The following PCDHGB3 variants were observed in gnomAD, a reference collection of about 807,000 sequenced individuals.
PCDHGB3 encodes protocadherin gamma-B3.
A neutral mutation model predicts 59.2 loss-of-function variants in PCDHGB3; 40 were observed. The ratio of observed to expected loss-of-function variants is 0.68; its 90% CI spans 0.52 to 0.88. The LOEUF (loss-of-function observed/expected upper bound fraction) is 0.88, where lower values mean the gene tolerates loss of function less well. Among genes scored for constraint, PCDHGB3 ranks in the 40% least tolerant of loss-of-function variants. The pLI, the probability that PCDHGB3 is intolerant of heterozygous loss-of-function variation, is 0.00. For synonymous variants in PCDHGB3, 581 were observed against 503.6 expected, an observed-to-expected ratio of 1.15 and a Z score of -2.06; for missense variants, 1,309 against 1,187.9, an observed-to-expected ratio of 1.10 and a Z score of -1.50.
intron 1 of PCDHGB3, chr5:141,422,076 G>C (rs2096622180): frequency 1.2e-6 from 2 of 1,612,270 alleles, no homozygotes; most frequent in South Asian, 1.1e-5. Flanking sequence ...ATTCATTTCG[G>C]AACATGGAAA....
Position 141,489,900 on chromosome 5 carries a change from A to T in PCDHGB3, c.2416-4907A>T. ...TTACTGCTGTGGATGGGGGGACCCC[A>T]GCCCGCTCAGGGACCACCCTTATCT... On this transcript the variant is annotated intron_variant, in intron 1 of 3. Coordinates refer to ENST00000576222, the MANE Select transcript of PCDHGB3 (RefSeq NM_018924.5). This position sits in a 1 kb window ranked among gnomAD's most constrained non-coding sequence, Gnocchi z 4.5. The T allele has an allele frequency of 6.2e-7, 1 of 1,614,254 alleles. No homozygotes were observed. The highest frequency in any genetic ancestry group is 8.5e-7 in the Non-Finnish European group (1 of 1,180,044).
At chr5:141,380,894 AT>A (rs1776829006) in intron 1 of PCDHGB3, among the ~76,000 whole-genome samples, 1 of 152,262 alleles carries the variant, frequency 6.6e-6, no homozygotes, top group Admixed American at 6.5e-5. Context: ...TTGTTTGAAA[AT>A]ATCTACAAGT....
Position 141,430,614 on chromosome 5 carries a change from T to C in PCDHGB3, c.2415+57805T>C, listed in dbSNP as rs1030314096. 7.3e-6 allele frequency: 5 copies of C among 680,636 alleles called. No individual in the cohort carries two copies. In the African/African-American group the frequency reaches 7.4e-5, roughly 10 times the overall value. 42.2% of individuals were successfully genotyped at this position (680,636 alleles called of 1,614,324 possible). ...GCACGCGCCTGAAGCACAAAGCAGA[T>C]AGCTAGGAATGAACCATCCCTGGGA... On this transcript the variant is annotated intron_variant, in intron 1 of 3. Transcript: ENST00000576222.
chr5:141,400,650 C>T, intron 1 of PCDHGB3: 13 of 1,174,166 alleles, frequency 1.1e-5, no homozygotes, highest in Non-Finnish European at 1.6e-5. Context: ...AGAAAGCTGT[C>T]CTACCATTCT....
chr5:141,490,151 T>C lies in PCDHGB3; in HGVS notation c.2416-4656T>C, dbSNP rs1449636059. The stretch of plus-strand genomic sequence containing the variant: ...GACCCTAGCAGTGGGGCAATCCATG[T>C]GTTGGGTCCCATAGACTTTGAGGAG... On this transcript the variant is annotated intron_variant, in intron 1 of 3. Transcript: ENST00000576222. The surrounding 1 kb of genome is among the most constrained non-coding windows in gnomAD (Gnocchi z 5.4). 4 of 1,614,210 alleles carry C rather than the reference T, an allele frequency of 2.5e-6. No homozygotes were observed. The highest frequency in any genetic ancestry group is 3.4e-6 in the Non-Finnish European group (4 of 1,180,018).
In PCDHGB3 at chr5:141,431,892, A is replaced by G. The variant is rs1456048000; in HGVS notation, c.2415+59083A>G. The G allele has an allele frequency of 2.1e-5, 34 of 1,614,054 alleles. No homozygotes were observed. Among genetic ancestry groups the G allele is most frequent in the Non-Finnish European group, 2.7e-5 (32 of 1,179,972 alleles). ...AATGTAAATGACCAAGATTCTGAGG[A>G]AAACGGACAGGTGATCTGTTTCATC... is the stretch of plus-strand genomic sequence containing the variant. On this transcript the variant is annotated intron_variant, in intron 1 of 3. Transcript: ENST00000576222. The surrounding 1 kb of genome is among the most constrained non-coding windows in gnomAD (Gnocchi z 4.8).
chr5:141,492,461 G>T (rs1218833302), intron 1 of PCDHGB3, among the ~76,000 whole-genome samples: 1 of 152,212 alleles, frequency 6.6e-6, no homozygotes, highest in Non-Finnish European at 1.5e-5. Flanking sequence ...CGCGCCTGAG[G>T]GTCCCAGATC....
intron 1 of PCDHGB3, among the ~76,000 whole-genome samples, chr5:141,382,012 A>G (rs1777864214): frequency 6.6e-6 from 1 of 151,520 alleles, no homozygotes; most frequent in Admixed American, 6.6e-5. Flanking sequence ...TATTTTTAGT[A>G]GAGACGGGGT....
chr5:141,382,856 G>A, intron 1 of PCDHGB3: 1 of 1,504,886 alleles, frequency 6.6e-7, no homozygotes, highest in Non-Finnish European at 8.9e-7. Context: ...GCATTCTGAA[G>A]CACTTCCCGA....
chr5:141,478,378 G>C, intron 1 of PCDHGB3: 1 of 1,613,558 alleles, frequency 6.2e-7, no homozygotes, highest in Non-Finnish European at 8.5e-7. Flanking sequence ...TGATGTCGCC[G>C]CACCTTTACC....
intron 1 of PCDHGB3, among the ~76,000 whole-genome samples, chr5:141,483,522 C>G (rs557644901): frequency 9.3e-6 from 1 of 107,172 alleles, no homozygotes; most frequent in African/African-American, 3.9e-5. Flanking sequence ...TAGATCCTGA[C>G]TAAGGAAGCT....
chr5:141,448,166 A>G (rs1475687778), intron 1 of PCDHGB3, among the ~76,000 whole-genome samples: 2 of 151,978 alleles, frequency 1.3e-5, no homozygotes, highest in Non-Finnish European at 2.9e-5. Context: ...AAAGATCACT[A>G]CTATTCATCC....
In PCDHGB3 at chr5:141,476,990, C is replaced by A; in HGVS notation, c.2416-17817C>A. On this transcript the variant is annotated intron_variant, in intron 1 of 3. Coordinates refer to ENST00000576222, the MANE Select transcript of PCDHGB3 (RefSeq NM_018924.5). The surrounding 1 kb of genome is among the most constrained non-coding windows in gnomAD (Gnocchi z 7.6). Reference sequence around the variant, plus strand: ...CGGCAGCCACAACCGCGCCGGCGTGCGGCAACTATTCGCCTTAGACCTTGT... The same window carrying A: ...CGGCAGCCACAACCGCGCCGGCGTGAGGCAACTATTCGCCTTAGACCTTGT... The A allele has an allele frequency of 6.2e-7, 1 of 1,614,220 alleles. No individual in the cohort carries two copies. Among genetic ancestry groups the A allele is most frequent in the South Asian group, 1.1e-5 (1 of 91,090 alleles).
intron 1 of PCDHGB3, chr5:141,394,892 C>T (rs267600457): frequency 4.5e-4 from 723 of 1,613,752 alleles, no homozygotes; most frequent in Non-Finnish European, 5.8e-4. Context: ...CACTCTATCT[C>T]GTGGTGGCAG....
At chr5:141,459,938 C>T (rs373341229) in intron 1 of PCDHGB3, among the ~76,000 whole-genome samples, 4 of 152,148 alleles carry the variant, frequency 2.6e-5, no homozygotes, top group African/African-American at 4.8e-5. Context: ...TGTAGCTGGG[C>T]GTGATGGCAG....
intron 1 of PCDHGB3, among the ~76,000 whole-genome samples, chr5:141,445,620 C>T (rs561235315): frequency 2.0e-5 from 3 of 151,966 alleles, no homozygotes; most frequent in African/African-American, 4.8e-5. Context: ...TTCTTTTTTT[C>T]GGAAAGTGAT....
chr5:141,389,930 C>G (rs1255366269), intron 1 of PCDHGB3: 1 of 1,614,064 alleles, frequency 6.2e-7, no homozygotes, highest in East Asian at 2.2e-5. Flanking sequence ...CCTCTGACCT[C>G]CAGGCTGAGC....
At chr5:141,418,908 C>T (rs1037628215) in intron 1 of PCDHGB3, 1 of 1,613,814 alleles carries the variant, frequency 6.2e-7, no homozygotes, top group Non-Finnish European at 8.5e-7. Context: ...ATAATCATCA[C>T]GTCACTCTCT....
rs755481962 is a variant in PCDHGB3 at position 141,371,456 on chromosome 5, A to G, written c.1062A>G (p.Gln354=). The change falls in exon 1 of 4, where the codon CAA becomes CAG. Residue 354 remains glutamine, a synonymous_variant. Transcript: ENST00000576222. ...AGATAACCCTGGCTTCTGAATCCCA[A>G]CATATACAAGAAGATGCTGAGCTGG... ...APEITLASES[Q]HIQEDAELGT... 1.2e-6 allele frequency: 2 copies of G among 1,614,020 alleles called. No individual in the cohort carries two copies. Among genetic ancestry groups the G allele is most frequent in the South Asian group, 1.1e-5 (1 of 91,082 alleles).
Sources: allele counts gnomAD v4.1 joint callset (sites outside exome capture counted in the v4.1 genomes callset), GRCh38; gene constraint gnomAD v4.1.1; non-coding constraint Gnocchi (gnomAD v3.1); transcripts MANE v1.5; gene names NCBI Gene and HGNC (gene_info 2026-07-23, HGNC 2026-07-21).